SDHAF4: variants seen among roughly 807,000 people sequenced by gnomAD.
The protein encoded by SDHAF4 is succinate dehydrogenase assembly factor 4, mitochondrial.
In SDHAF4, 14 loss-of-function variants were observed where a neutral mutation model predicts 14.3. The ratio of observed to expected loss-of-function variants is 0.98; its 90% CI spans 0.65 to 1.53. The LOEUF (loss-of-function observed/expected upper bound fraction) is 1.53. Among genes scored for constraint, SDHAF4 ranks in the 40% most tolerant of loss-of-function variants. The pLI is 0.00. For synonymous variants in SDHAF4, 63 were observed against 47.3 expected, an observed-to-expected ratio of 1.33 and a Z score of -1.36; for missense variants, 141 against 129.3, an observed-to-expected ratio of 1.09 and a Z score of -0.44.
intron 1 of SDHAF4, 34 bp from the exon 2 acceptor site, chr6:70,579,380 A>C: frequency 7.2e-7 from 1 of 1,387,686 alleles, no homozygotes; most frequent in Non-Finnish European, 9.5e-7. Context: ...ATAAATGAAC[A>C]GCTCCTATTT....
At chr6:70,581,107 T>C (rs969186748) in intron 2 of SDHAF4, among the ~76,000 whole-genome samples, 2 of 152,020 alleles carry the variant, frequency 1.3e-5, no homozygotes, top group African/African-American at 4.8e-5. Flanking sequence ...TGTTGTATTT[T>C]TAGTAGAGAT....
chr6:70,589,622 T>C (rs1765241379), downstream of SDHAF4: 1 of 152,234 alleles, frequency 6.6e-6, no homozygotes, highest in Non-Finnish European at 1.5e-5. Context: ...GTGAGTTAAA[T>C]AATACATTAT....
intron 1 of SDHAF4, among the ~76,000 whole-genome samples, chr6:70,575,122 A>G (rs1802236640): frequency 6.6e-6 from 1 of 152,240 alleles, no homozygotes; most frequent in African/African-American, 2.4e-5. Flanking sequence ...TTATGCCTGT[A>G]ATCGCAATAC....
intron 1 of SDHAF4, among the ~76,000 whole-genome samples, chr6:70,572,206 A>T (rs2128533815): frequency 6.6e-6 from 1 of 151,820 alleles, no homozygotes; most frequent in South Asian, 2.1e-4. Flanking sequence ...CTGGAATTAC[A>T]GGCGTGCACC....
At chr6:70,579,354 A>G in intron 1 of SDHAF4, 60 bp from the exon 2 acceptor site, 1 of 1,244,384 alleles carries the variant, frequency 8.0e-7, no homozygotes, top group South Asian at 2.5e-5. Context: ...AAAATTTTAT[A>G]AATGTTTAAA....
At chr6:70,569,232 G>T (rs1051128667) in intron 1 of SDHAF4, among the ~76,000 whole-genome samples, 1 of 151,736 alleles carries the variant, frequency 6.6e-6, no homozygotes, top group Non-Finnish European at 1.5e-5. Flanking sequence ...CCAAAGTGCT[G>T]GGATTACAGG....
At position 70,582,626 on chromosome 6, in the gene SDHAF4, G is replaced by A. The variant is rs370708699; in HGVS notation, c.217+3060G>A. Among the ~76,000 whole-genome samples, 9 of 152,148 alleles carry A rather than the reference G, an allele frequency of 5.9e-5. No individual in the cohort carries two copies. The East Asian group carries it at 1.2e-3, about 20-fold the overall frequency. ...ATTTCCAGTCCACCCCATCTACCAA[G>A]TCACCCAAGCCCGAAATCTGGGGAT... On this transcript the variant is annotated intron_variant, in intron 2 of 2. Coordinates refer to ENST00000370474, the MANE Select transcript of SDHAF4 (RefSeq NM_145267.3).
chr6:70,587,365 G>A (rs370101294), intron 2 of SDHAF4, among the ~76,000 whole-genome samples: 1 of 150,744 alleles, frequency 6.6e-6, no homozygotes, highest in Admixed American at 6.6e-5. Flanking sequence ...AGTGGTGTGC[G>A]CCTGTAGTCC....
At chr6:70,597,213 A>C in the SDHAF4 span, among the ~76,000 whole-genome samples, 1 of 149,064 alleles carries the variant, frequency 6.7e-6, no homozygotes, top group African/African-American at 2.5e-5. Flanking sequence ...GGCTCACTGC[A>C]ACCTCTGCCT....
At chr6:70,569,066 C>T (rs1442317187) in intron 1 of SDHAF4, among the ~76,000 whole-genome samples, 2 of 142,584 alleles carry the variant, frequency 1.4e-5, no homozygotes, top group African/African-American at 5.2e-5. Flanking sequence ...CCTGGGTTCA[C>T]GCCATTCTCC....
chr6:70,584,664 ATG>A (rs1765176876), intron 2 of SDHAF4, among the ~76,000 whole-genome samples: 1 of 152,198 alleles, frequency 6.6e-6, no homozygotes, highest in Non-Finnish European at 1.5e-5. Flanking sequence ...AGGTTAACAA[ATG>A]TGAGGAAGAA....
chr6:70,590,261 A>C (rs907693624), downstream of SDHAF4, among the ~76,000 whole-genome samples: 14 of 152,268 alleles, frequency 9.2e-5, no homozygotes, highest in Admixed American at 5.9e-4. Context: ...AAAAGCAAAG[A>C]AAAGAAAAGC....
downstream of SDHAF4, among the ~76,000 whole-genome samples, chr6:70,591,550 C>T (rs534405909): frequency 6.6e-6 from 1 of 151,840 alleles, no homozygotes; most frequent in Non-Finnish European, 1.5e-5. Flanking sequence ...AGGATAGTCT[C>T]GATCTCCTGA....
At position 70,566,980 on chromosome 6, in the gene SDHAF4, T is replaced by A. The variant is rs936734448; in HGVS notation, c.40T>A (p.Ser14Thr). 6.3e-7 allele frequency: 1 copy of A among 1,592,190 alleles called. No homozygotes were observed. The change falls in exon 1 of 3, where the codon TCG becomes ACG. Residue 14 changes from serine (S) to threonine (T), a missense_variant. By Grantham distance (58) the Ser-to-Thr change is moderately conservative (BLOSUM62 1). Transcript: ENST00000370474. ...GCTTCCCTGGTTGCTTAGCTGGGTC[T>A]CGGCCACGGCGTGGAGAGCGGCAAG... Reference protein sequence around the residue: ...SRLPWLLSWVSATAWRAARSP... With the variant: ...SRLPWLLSWVTATAWRAARSP...
At chr6:70,587,198 A>ACACACACACACACACACACAC (rs58942545) in intron 2 of SDHAF4, among the ~76,000 whole-genome samples, 2 of 143,572 alleles carry the variant, frequency 1.4e-5, no homozygotes, top group African/African-American at 2.6e-5. Context: ...ACACACACAC[A>ACACACACACACACACACACAC]AGAATTAGGG....
At chr6:70,596,615 G>A in the SDHAF4 span, 2 of 152,066 alleles carry the variant, frequency 1.3e-5, no homozygotes, top group Non-Finnish European at 2.9e-5. Context: ...TATTTTTTTA[G>A]TGTAATCATA....
At chr6:70,574,663 C>T (rs550136818) in intron 1 of SDHAF4, among the ~76,000 whole-genome samples, 11 of 151,972 alleles carry the variant, frequency 7.2e-5, no homozygotes, top group Non-Finnish European at 1.2e-4. Flanking sequence ...CAGCTGGGTG[C>T]GGTGGCTCAC....
chr6:70,591,813 A>C (rs1385700148), downstream of SDHAF4, among the ~76,000 whole-genome samples: 3 of 152,178 alleles, frequency 2.0e-5, no homozygotes, highest in African/African-American at 4.8e-5. Context: ...CGCCTCCAAA[A>C]CTTATGTTGA....
downstream of SDHAF4, among the ~76,000 whole-genome samples, chr6:70,593,386 A>G (rs942396419): frequency 6.6e-5 from 10 of 152,350 alleles, no homozygotes; most frequent in South Asian, 4.1e-4. Flanking sequence ...TGCTAGGGCA[A>G]TGCTGAGTGG....
Sources: gnomAD v4.1 joint callset for allele counts (sites outside exome capture counted in the v4.1 genomes callset) on GRCh38, gnomAD v4.1.1 for gene constraint, MANE v1.5 for transcripts, NCBI Gene and HGNC (gene_info 2026-07-23, HGNC 2026-07-21) for gene names.